Variants in DNAH8 observed in about 807,000 individuals in gnomAD.
DNAH8 encodes dynein axonemal heavy chain 8.
In DNAH8, 382 loss-of-function variants were observed where a neutral mutation model predicts 562.1. That is an observed-to-expected ratio of 0.68 (90% CI 0.63 to 0.74). The LOEUF is 0.74. Among genes scored for constraint, DNAH8 ranks in the 30% least tolerant of loss-of-function variants. The probability of loss-of-function intolerance (pLI) is 0.00; values close to 1 mark genes in which losing one functional copy is unlikely to be tolerated. For missense variants in DNAH8, 5,203 were observed against 5,620.4 expected (o/e 0.93, Z 2.37); for synonymous variants, 1,881 against 1,919.4 (o/e 0.98, Z 0.52).
At chr6:38,754,234 T>C (rs1184307221) in intron 9 of DNAH8, among the ~76,000 whole-genome samples, 1 of 152,132 alleles carries the variant, frequency 6.6e-6, no homozygotes, top group East Asian at 1.9e-4. Context: ...ATGTTTAAAG[T>C]TCAGATGAAG....
intron 8 of DNAH8, among the ~76,000 whole-genome samples, chr6:38,745,080 G>A (rs755951177): frequency 2.6e-5 from 4 of 152,104 alleles, no homozygotes; most frequent in Non-Finnish European, 5.9e-5. Flanking sequence ...ACCTTGAGGG[G>A]TCAGTTCACG....
chr6:38,798,672 G>C (rs139348509), intron 21 of DNAH8, among the ~76,000 whole-genome samples: 3 of 152,200 alleles, frequency 2.0e-5, no homozygotes, highest in Admixed American at 2.0e-4. Context: ...AGTGTGGGTC[G>C]TTGTGATTAT....
intron 3 of DNAH8, among the ~76,000 whole-genome samples, chr6:38,725,820 A>G (rs1763174914): frequency 6.6e-6 from 1 of 152,162 alleles, no homozygotes; most frequent in African/African-American, 2.4e-5. Context: ...TTCATTTTGC[A>G]CTATGTTCAT....
At chr6:38,848,397 A>G (rs1428954610) in intron 36 of DNAH8, among the ~76,000 whole-genome samples, 2 of 152,272 alleles carry the variant, frequency 1.3e-5, no homozygotes, top group African/African-American at 2.4e-5. Context: ...CCTATGCACC[A>G]TAAAACTAGG....
intron 88 of DNAH8, among the ~76,000 whole-genome samples, chr6:38,990,835 C>T (rs1764736250): frequency 6.6e-6 from 1 of 152,326 alleles, no homozygotes; most frequent in East Asian, 1.9e-4. Flanking sequence ...CCCCTTCTCT[C>T]TTTAGGATCC....
chr6:38,981,028 A>T (rs376430686), intron 85 of DNAH8, among the ~76,000 whole-genome samples: 2 of 145,624 alleles, frequency 1.4e-5, no homozygotes, highest in African/African-American at 5.1e-5. Flanking sequence ...TGAAAACGGC[A>T]GTGTGTGTGT....
rs72858216 is a variant in DNAH8, at chr6:38,732,696, T to G, written c.611-1778T>G. Among the ~76,000 whole-genome samples, 1,281 of 152,288 alleles carry G rather than the reference T, an allele frequency of 8.4e-3. 6 individuals carry two copies. The highest frequency in any genetic ancestry group is 0.014 in the Non-Finnish European group (960 of 68,026). On this transcript the variant is annotated intron_variant, in intron 4 of 92. Coordinates refer to ENST00000327475, the MANE Select transcript of DNAH8 (RefSeq NM_001206927.2). ...TCTCTCAAATCCCTTTTTTTCTTTA[T>G]GTGTATTCATTCAAGGTTTATATTC...
At chr6:38,812,574 A>C (rs1771893921) in intron 24 of DNAH8, among the ~76,000 whole-genome samples, 1 of 152,034 alleles carries the variant, frequency 6.6e-6, no homozygotes, top group Non-Finnish European at 1.5e-5. Context: ...TTTAGAGGAG[A>C]GTTCTGCTGC....
intron 24 of DNAH8, among the ~76,000 whole-genome samples, chr6:38,808,054 A>G (rs191957424): frequency 6.5e-4 from 99 of 152,222 alleles, no homozygotes; most frequent in South Asian, 2.9e-3. Flanking sequence ...GTATCATTTA[A>G]TTTTGCCTGT....
rs1773075709 is a variant in DNAH8 at position 38,823,716 on chromosome 6, G to A, written c.3847+28G>A. 2.6e-6 allele frequency: 4 copies of A among 1,530,018 alleles called. No homozygotes were observed. In the South Asian group the frequency reaches 3.5e-5, roughly 14 times the overall value. 94.8% of individuals were successfully genotyped at this position (1,530,018 alleles called of 1,614,324 possible). A position where few individuals can be genotyped will look rare whatever the true frequency, so the allele number is the denominator to read the frequency against. On this transcript the variant is annotated intron_variant, in intron 28 of 92. Coordinates refer to ENST00000327475, the MANE Select transcript of DNAH8 (RefSeq NM_001206927.2). ...ATTTTAAAAATGTTTATTATGTAAA[G>A]TATCTGTACTTTCACATGAAGTGTT...
chr6:38,860,691 A>G, intron 43 of DNAH8, 62 bp downstream of exon 43: 1 of 1,209,686 alleles, frequency 8.3e-7, no homozygotes, highest in Admixed American at 3.1e-5. Context: ...CATTATTTAT[A>G]GTTGAATTTG....
chr6:38,886,237 C>T (rs912665690), intron 56 of DNAH8, among the ~76,000 whole-genome samples: 3 of 151,950 alleles, frequency 2.0e-5, no homozygotes, highest in Admixed American at 2.0e-4. Flanking sequence ...AGGAAGTGAT[C>T]CCAGAGCCCT....
chr6:38,815,935 G>A (rs960630707), intron 26 of DNAH8, among the ~76,000 whole-genome samples: 1 of 151,984 alleles, frequency 6.6e-6, no homozygotes, highest in Admixed American at 6.6e-5. Flanking sequence ...TAAACTTAAG[G>A]TAAACATAAA....
chr6:38,859,873 C>T (rs1032315622), intron 42 of DNAH8, among the ~76,000 whole-genome samples: 1 of 152,204 alleles, frequency 6.6e-6, no homozygotes, highest in Non-Finnish European at 1.5e-5. Context: ...CTTCCGACTG[C>T]TATGAAGACA....
intron 26 of DNAH8, among the ~76,000 whole-genome samples, chr6:38,817,642 TC>T (rs1772406892): frequency 6.6e-6 from 1 of 152,168 alleles, no homozygotes; most frequent in African/African-American, 2.4e-5. Context: ...GGGCAGAGCT[TC>T]AAGTAGTATA....
chr6:38,863,522 C>A (rs1297816101), intron 44 of DNAH8, among the ~76,000 whole-genome samples: 1 of 152,020 alleles, frequency 6.6e-6, no homozygotes, highest in African/African-American at 2.4e-5. Context: ...ACAACAACAA[C>A]AAACAAAACA....
chr6:38,829,845 C>T (rs1198469368), intron 30 of DNAH8, among the ~76,000 whole-genome samples: 1 of 152,128 alleles, frequency 6.6e-6, no homozygotes, highest in East Asian at 1.9e-4. Flanking sequence ...GCTGTGCAAC[C>T]AATCTCCAGA....
At chr6:38,983,300 C>A (rs1011436655) in intron 86 of DNAH8, among the ~76,000 whole-genome samples, 1 of 152,188 alleles carries the variant, frequency 6.6e-6, no homozygotes, top group Non-Finnish European at 1.5e-5. Flanking sequence ...TCTTCTTCCA[C>A]AGAGTAGGGC....
rs1176975344 is a variant in DNAH8 at position 38,715,950 on chromosome 6, ATATATATATAT to A, written c.-35+537_-35+547del. Among the ~76,000 whole-genome samples, 49 of 31,234 alleles carry A rather than the reference ATATATATATAT, an allele frequency of 1.6e-3. 2 individuals are homozygous for A. Among genetic ancestry groups the A allele is most frequent in the Admixed American group, 1.6e-3 (4 of 2,450 alleles). The allele number at this position is 31,234 out of a possible 152,430, so 20.5% of individuals were successfully genotyped here. On this transcript the variant is annotated intron_variant, in intron 1 of 92. Transcript: ENST00000327475. ...AATATATATATATATATATATATAT[ATATATATATAT>A]TTTTTTTTTTTTTTTGAGACGGAGT...
Sources: gnomAD v4.1 joint callset for allele counts (sites outside exome capture counted in the v4.1 genomes callset) on GRCh38, gnomAD v4.1.1 for gene constraint, MANE v1.5 for transcripts, NCBI Gene and HGNC (gene_info 2026-07-23, HGNC 2026-07-21) for gene names.